SLC15A5: variants seen among roughly 807,000 people sequenced by gnomAD.
SLC15A5 encodes the protein solute carrier family 15 member 5.
SLC15A5 carries 58 observed loss-of-function variants against 56.1 expected under a neutral mutation model. The observed-to-expected ratio is 1.03, with a 90% CI of 0.84 to 1.29. The LOEUF is 1.29. SLC15A5 is among the 50% of genes most tolerant of loss of function. The probability of loss-of-function intolerance (pLI) is 0.00; values close to 1 mark genes in which losing one functional copy is unlikely to be tolerated. For synonymous variants in SLC15A5, 264 were observed against 250.5 expected, an observed-to-expected ratio of 1.05 and a Z score of -0.51; for missense variants, 681 against 672.1, an observed-to-expected ratio of 1.01 and a Z score of -0.15.
At chr12:16,194,596 A>C in intron 7 of SLC15A5, 143 bp from the exon 8 acceptor site, 1 of 543,544 alleles carries the variant, frequency 1.8e-6, no homozygotes, top group Non-Finnish European at 3.1e-6. Flanking sequence ...TGATTGTCAA[A>C]ATTTATTTAA....
intron 7 of SLC15A5, among the ~76,000 whole-genome samples, chr12:16,210,973 G>A (rs1439694099): frequency 6.6e-6 from 1 of 152,176 alleles, no homozygotes; most frequent in Non-Finnish European, 1.5e-5. Flanking sequence ...CCATGAGCAG[G>A]GTTTGCCTAT....
intron 3 of SLC15A5, among the ~76,000 whole-genome samples, chr12:16,252,420 G>A (rs1185154014): frequency 6.6e-6 from 1 of 151,930 alleles, no homozygotes; most frequent in African/African-American, 2.4e-5. Flanking sequence ...CTAAGAATTC[G>A]ACACAAAAGT....
Position 16,244,763 on chromosome 12 carries a change from A to C in SLC15A5, c.792T>G (p.Ser264Arg). ...SLLTGVGVLV[S>R]ALKTCHPQYC... ...ATTGCGGGTGGCATGTTTTCAGTGC[A>C]CTAACCAACACCCCAACGCCTGTCA... The change falls in exon 4 of 9, where the codon AGT becomes AGG. Residue 264 changes from serine to arginine, a missense_variant. Physicochemically the swap from Ser to Arg is moderately radical, Grantham distance 110. Transcript: ENST00000344941. 1 of 1,537,822 alleles carries C rather than the reference A, an allele frequency of 6.5e-7. No homozygotes were observed. The highest frequency in any genetic ancestry group is 8.7e-7 in the Non-Finnish European group (1 of 1,147,030).
intron 7 of SLC15A5, among the ~76,000 whole-genome samples, chr12:16,209,015 A>T (rs1196878682): frequency 2.4e-5 from 2 of 84,252 alleles, no homozygotes; most frequent in Non-Finnish European, 4.9e-5. Flanking sequence ...TTTAAACATG[A>T]TGCCTTTTTT....
intron 7 of SLC15A5, among the ~76,000 whole-genome samples, chr12:16,205,269 T>C (rs1300201196): frequency 6.6e-6 from 1 of 151,886 alleles, no homozygotes; most frequent in African/African-American, 2.4e-5. Context: ...TGCTAAGGGC[T>C]GAAATTAATA....
At chr12:16,232,407 T>G (rs1376969730) in intron 5 of SLC15A5, among the ~76,000 whole-genome samples, 1 of 151,642 alleles carries the variant, frequency 6.6e-6, no homozygotes, top group East Asian at 1.9e-4. Flanking sequence ...TCAATAGGAG[T>G]TCAAAAGGAA....
At chr12:16,258,397 T>A (rs1864599188) in intron 2 of SLC15A5, among the ~76,000 whole-genome samples, 1 of 152,156 alleles carries the variant, frequency 6.6e-6, no homozygotes, top group Non-Finnish European at 1.5e-5. Flanking sequence ...AATAAAACTT[T>A]CCATTTTTCT....
intron 7 of SLC15A5, among the ~76,000 whole-genome samples, chr12:16,207,089 A>T (rs1250019950): frequency 1.3e-5 from 2 of 152,212 alleles, no homozygotes; most frequent in African/African-American, 4.8e-5. Context: ...TCAAATGAAT[A>T]TATCTGATAT....
chr12:16,262,539 T>G (rs1384182471), intron 2 of SLC15A5, among the ~76,000 whole-genome samples: 1 of 152,220 alleles, frequency 6.6e-6, no homozygotes, highest in Non-Finnish European at 1.5e-5. Context: ...ATGAAGAACA[T>G]GGATTATAAC....
chr12:16,230,935 G>A (rs1304077490), intron 5 of SLC15A5, among the ~76,000 whole-genome samples: 2 of 142,674 alleles, frequency 1.4e-5, no homozygotes, highest in African/African-American at 5.1e-5. Flanking sequence ...AAAAAAAAAA[G>A]ACAAAAAAAC....
Position 16,277,453 on chromosome 12 carries a change from T to A in SLC15A5, c.233A>T (p.Gln78Leu), listed in dbSNP as rs1433448269. The change falls in exon 1 of 9, where the codon CAA (glutamine) becomes CTA (leucine). Residue 78 changes from glutamine to leucine, a missense_variant. Gln to Leu is a moderately radical substitution (Grantham distance 113, BLOSUM62 -2). Transcript: ENST00000344941. ...AAAACACAAGTTTAAGATGGCTGCT[T>A]GGCAATTGTGATAGCCAAGCTTGAT... ...CTIKLGYHNC[Q>L]AAILNLCFIG... 1.3e-6 allele frequency: 2 copies of A among 1,536,522 alleles called. No individual in the cohort carries two copies. Among genetic ancestry groups the A allele is most frequent in the East Asian group, 4.9e-5 (2 of 40,884 alleles).
chr12:16,257,943 T>C, intron 2 of SLC15A5, 73 bp from the exon 3 acceptor site: 1 of 1,247,146 alleles, frequency 8.0e-7, no homozygotes, highest in Non-Finnish European at 1.0e-6. Context: ...ATTTTAATGC[T>C]TCTAATCAAA....
Position 16,257,700 on chromosome 12 carries a change from C to T in SLC15A5, c.754+1G>A, listed in dbSNP as rs1025056157. ...ATCAATGTAACGCATAATTTACTTA[C>T]GTTTTTCTGACTGATAAATTAGGTT... On this transcript the variant is annotated splice_donor_variant, in intron 3 of 8. Coordinates refer to ENST00000344941, the MANE Select transcript of SLC15A5 (RefSeq NM_001170798.1). LOFTEE classifies it high-confidence loss of function. 2.9e-5 allele frequency: 42 copies of T among 1,454,698 alleles called. No individual in the cohort carries two copies. Among genetic ancestry groups the T allele is most frequent in the African/African-American group, 2.6e-4 (18 of 68,470 alleles). 90.1% of individuals were successfully genotyped at this position (1,454,698 alleles called of 1,614,324 possible). A position where few individuals can be genotyped will look rare whatever the true frequency, so the allele number is the denominator to read the frequency against.
chr12:16,248,469 G>C (rs1208999106), intron 3 of SLC15A5, among the ~76,000 whole-genome samples: 3 of 152,050 alleles, frequency 2.0e-5, no homozygotes, highest in East Asian at 1.9e-4. Context: ...GGTTGTAAGA[G>C]GGAAAGAAAG....
chr12:16,201,050 C>G (rs1863950302), intron 7 of SLC15A5, among the ~76,000 whole-genome samples: 1 of 152,098 alleles, frequency 6.6e-6, no homozygotes, highest in Non-Finnish European at 1.5e-5. Context: ...TGCTATTTTA[C>G]AGTCAAAACT....
In SLC15A5 at chr12:16,265,644, A is replaced by G. The variant is rs1466597706; in HGVS notation, c.584+6917T>C. ...CAGGTGCACACCACCATGCCTAGCT[A>G]ATTTTTTTTTGTATTTTTTGTAGAG... On this transcript the variant is annotated intron_variant, in intron 2 of 8. Coordinates refer to ENST00000344941, the MANE Select transcript of SLC15A5 (RefSeq NM_001170798.1). Among the ~76,000 whole-genome samples, 4 of 151,844 alleles carry G rather than the reference A, an allele frequency of 2.6e-5. No homozygotes were observed. The East Asian group carries it at 7.8e-4, about 30-fold the overall frequency.
intron 7 of SLC15A5, among the ~76,000 whole-genome samples, chr12:16,201,407 G>A (rs1049693092): frequency 2.0e-5 from 3 of 152,220 alleles, no homozygotes; most frequent in Middle Eastern, 3.4e-3. Context: ...ATGGACCAGA[G>A]TAGAGTCCAG....
At chr12:16,227,147 G>T (rs1269582138) in intron 5 of SLC15A5, among the ~76,000 whole-genome samples, 2 of 152,012 alleles carry the variant, frequency 1.3e-5, no homozygotes, top group African/African-American at 4.8e-5. Context: ...AAAATTTGAG[G>T]AATTTTTAAT....
chr12:16,228,732 A>G (rs1864267414), intron 5 of SLC15A5, among the ~76,000 whole-genome samples: 1 of 152,222 alleles, frequency 6.6e-6, no homozygotes, highest in Non-Finnish European at 1.5e-5. Context: ...AATACAGAGT[A>G]AATATATTTT....
Sources: allele counts gnomAD v4.1 joint callset (sites outside exome capture counted in the v4.1 genomes callset), GRCh38; gene constraint gnomAD v4.1.1; transcripts MANE v1.5; gene names NCBI Gene and HGNC (gene_info 2026-07-23, HGNC 2026-07-21).